MIS18A: variants seen among roughly 807,000 people sequenced by gnomAD.
MIS18A encodes protein Mis18-alpha.
A neutral mutation model predicts 25.0 loss-of-function variants in MIS18A; 14 were observed. That is an observed-to-expected ratio of 0.56 (90% confidence interval 0.37 to 0.88). The LOEUF is 0.88. Ranked by LOEUF, MIS18A falls within the 40% of genes least tolerant of loss-of-function variation. MIS18A has a pLI of 0.00. For synonymous variants in MIS18A, 134 were observed against 118.6 expected, an observed-to-expected ratio of 1.13 and a Z score of -0.84; for missense variants, 292 against 290.8, an observed-to-expected ratio of 1.00 and a Z score of -0.03.
At chr21:32,206,706 A>C in the MIS18A span, among the ~76,000 whole-genome samples, 1 of 152,166 alleles carries the variant, frequency 6.6e-6, no homozygotes, top group Non-Finnish European at 1.5e-5. Context: ...CCAAGTGTGA[A>C]AGTCAAGGCT....
At chr21:32,171,726 T>C in the MIS18A span, among the ~76,000 whole-genome samples, 9 of 152,096 alleles carry the variant, frequency 5.9e-5, no homozygotes, top group African/African-American at 2.2e-4. Flanking sequence ...ATTATAATCT[T>C]ATGGGATCAC....
the MIS18A span, among the ~76,000 whole-genome samples, chr21:32,159,372 C>G: frequency 6.6e-6 from 1 of 152,136 alleles, no homozygotes; most frequent in African/African-American, 2.4e-5. Flanking sequence ...AGTAATAAAA[C>G]TTATGGTTAG....
At chr21:32,265,673 A>C (rs1450339286), downstream of MIS18A, among the ~76,000 whole-genome samples, 2 of 152,162 alleles carry the variant, frequency 1.3e-5, no homozygotes, top group Non-Finnish European at 2.9e-5. Context: ...CCCCTGCTCC[A>C]TGGCGCCCAG....
At chr21:32,159,270 C>T in the MIS18A span, among the ~76,000 whole-genome samples, 2 of 152,052 alleles carry the variant, frequency 1.3e-5, no homozygotes, top group South Asian at 2.1e-4. Context: ...TTGTAGTTTG[C>T]CTAGATTGTT....
chr21:32,267,630 T>C (rs1415254446), downstream of MIS18A, among the ~76,000 whole-genome samples: 1 of 152,060 alleles, frequency 6.6e-6, no homozygotes, highest in Non-Finnish European at 1.5e-5. Flanking sequence ...TGAAAATGCT[T>C]GCTGGAGTAC....
chr21:32,207,144 A>G, the MIS18A span, among the ~76,000 whole-genome samples: 26 of 152,208 alleles, frequency 1.7e-4, no homozygotes, highest in African/African-American at 6.0e-4. Context: ...TCAGGAAATT[A>G]CCAGAATACG....
the MIS18A span, among the ~76,000 whole-genome samples, chr21:32,183,595 T>C: frequency 5.9e-5 from 9 of 152,322 alleles, 1 homozygote; most frequent in South Asian, 1.9e-3. Flanking sequence ...TGACATGGTG[T>C]GGTCATTTTT....
At chr21:32,196,313 T>G in the MIS18A span, among the ~76,000 whole-genome samples, 922 of 152,292 alleles carry the variant, frequency 6.1e-3, 10 homozygotes, top group African/African-American at 0.021. Flanking sequence ...CTCTCCAGTC[T>G]TTAGACTGAA....
At chr21:32,270,675 G>A (rs770639371) in intron 2 of MIS18A, 146 bp from the exon 3 acceptor site, 4 of 756,388 alleles carry the variant, frequency 5.3e-6, no homozygotes, top group Non-Finnish European at 7.3e-6. Flanking sequence ...AGGAAAAAAT[G>A]ATAGTAAGAT....
chr21:32,208,813 G>A, the MIS18A span, among the ~76,000 whole-genome samples: 6 of 152,186 alleles, frequency 3.9e-5, no homozygotes, highest in African/African-American at 1.4e-4. Flanking sequence ...ATTGATAGCA[G>A]GTGGCACATA....
chr21:32,239,224 G>A, the MIS18A span, among the ~76,000 whole-genome samples: 4 of 152,166 alleles, frequency 2.6e-5, no homozygotes, highest in African/African-American at 7.2e-5. Context: ...CTCTACACTT[G>A]CTTTCCGTCC....
chr21:32,277,439 C>A (rs2031835397), intron 1 of MIS18A, among the ~76,000 whole-genome samples: 1 of 152,054 alleles, frequency 6.6e-6, no homozygotes, highest in South Asian at 2.1e-4. Context: ...CCTACCTAAC[C>A]AAAAATCTGC....
chr21:32,269,076 C>G lies in MIS18A; in HGVS notation c.663G>C (p.Glu221Asp), dbSNP rs749191192. ...TGGCAAAGGACAATTTGGATTCGGC[C>G]TCCCACAGCTTCATTTGTAATGCTT... Reference protein sequence around the residue: ...VLKALQMKLWEAESKLSFATC... With the variant: ...VLKALQMKLWDAESKLSFATC... Residue 221 changes from glutamate (E) to aspartate (D), a missense_variant, in exon 5 of 5, where the codon GAG (glutamate) becomes GAC (aspartate). Glu to Asp is a conservative substitution (Grantham distance 45). Coordinates refer to ENST00000290130, the MANE Select transcript of MIS18A (RefSeq NM_018944.3). The G allele has an allele frequency of 1.2e-6, 2 of 1,605,432 alleles. No homozygotes were observed. The highest frequency in any genetic ancestry group is 1.1e-5 in the South Asian group (1 of 89,218).
At chr21:32,209,826 C>T in the MIS18A span, among the ~76,000 whole-genome samples, 5 of 152,306 alleles carry the variant, frequency 3.3e-5, no homozygotes, top group Admixed American at 6.5e-5. Flanking sequence ...TGCAGAAGGA[C>T]GTGTCTGCTT....
the MIS18A span, among the ~76,000 whole-genome samples, chr21:32,250,240 T>G: frequency 1.3e-5 from 2 of 152,176 alleles, no homozygotes; most frequent in Non-Finnish European, 2.9e-5. Flanking sequence ...GACGCACTTC[T>G]AAAAGAGATT....
chr21:32,222,710 T>C, the MIS18A span, among the ~76,000 whole-genome samples: 13 of 151,346 alleles, frequency 8.6e-5, no homozygotes, highest in African/African-American at 3.2e-4. Context: ...GGCGGGCGGG[T>C]CACGAGGTCA....
At chr21:32,237,969 T>C in the MIS18A span, among the ~76,000 whole-genome samples, 1 of 152,170 alleles carries the variant, frequency 6.6e-6, no homozygotes, top group African/African-American at 2.4e-5. Flanking sequence ...TCCATCTTTC[T>C]GCCCTGTAAT....
At chr21:32,178,624 T>C in the MIS18A span, among the ~76,000 whole-genome samples, 2 of 152,212 alleles carry the variant, frequency 1.3e-5, no homozygotes, top group African/African-American at 2.4e-5. Context: ...CATCACTTAA[T>C]AGGTCATCTA....
chr21:32,161,208 C>T, the MIS18A span, among the ~76,000 whole-genome samples: 1 of 152,208 alleles, frequency 6.6e-6, no homozygotes, highest in Non-Finnish European at 1.5e-5. Context: ...CTAATATCCT[C>T]TCTTCTTCAA....
Sources: gnomAD v4.1 joint callset for allele counts (sites outside exome capture counted in the v4.1 genomes callset) on GRCh38, gnomAD v4.1.1 for gene constraint, MANE v1.5 for transcripts, NCBI Gene and HGNC (gene_info 2026-07-23, HGNC 2026-07-21) for gene names.